Variants in HTR2C observed in about 807,000 individuals in gnomAD.
The protein encoded by HTR2C is 5-hydroxytryptamine receptor 2C, also known as 5-hydroxytryptamine (serotonin) receptor 2C, G protein-coupled.
In HTR2C, 5 loss-of-function variants were observed where a neutral mutation model predicts 21.0. The ratio of observed to expected loss-of-function variants is 0.24; its 90% CI spans 0.12 to 0.50. HTR2C has a LOEUF of 0.50. HTR2C is among the 20% of genes least tolerant of loss of function. The probability of loss-of-function intolerance (pLI) is 0.98; values close to 1 mark genes in which losing one functional copy is unlikely to be tolerated. For missense variants in HTR2C, 271 were observed against 371.2 expected (o/e 0.73, Z 2.22); for synonymous variants, 150 against 145.3 (o/e 1.03, Z -0.23).
intron 2 of HTR2C, among the ~76,000 whole-genome samples, chrX:114,627,405 A>G (rs781909485): frequency 7.4e-4 from 83 of 111,483 alleles, no homozygotes; most frequent in African/African-American, 2.5e-3. Flanking sequence ...ATGATGGAGA[A>G]CTATTATGTG....
chrX:114,619,133 T>C (rs1323008161), intron 2 of HTR2C, among the ~76,000 whole-genome samples: 5 of 111,460 alleles, frequency 4.5e-5, no homozygotes, highest in African/African-American at 1.3e-4. Flanking sequence ...GGAATTGCAC[T>C]GTTATTCAGA....
chrX:114,766,933 T>A (rs782490000), intron 4 of HTR2C, among the ~76,000 whole-genome samples: 180 of 111,487 alleles, frequency 1.6e-3, no homozygotes, highest in African/African-American at 5.5e-3. Flanking sequence ...CATGACCCAA[T>A]GCCATTGTTT....
At chrX:114,744,515 T>G (rs1347010628) in intron 4 of HTR2C, among the ~76,000 whole-genome samples, 1 of 108,146 alleles carries the variant, frequency 9.2e-6, no homozygotes, top group South Asian at 4.1e-4. Flanking sequence ...TGCAATGGCT[T>G]GATCTCGGCT....
chrX:114,741,524 TAAAAA>T (rs782206973), intron 4 of HTR2C, among the ~76,000 whole-genome samples: 252 of 4,901 alleles, frequency 0.051, 5 homozygotes, highest in African/African-American at 0.095. Flanking sequence ...CGACTCCGTC[TAAAAA>T]AAAAAAAAAA....
intron 2 of HTR2C, among the ~76,000 whole-genome samples, chrX:114,673,270 CA>C (rs1343742656): frequency 9.0e-6 from 1 of 111,701 alleles, no homozygotes; most frequent in Admixed American, 9.6e-5. Flanking sequence ...ATTATTTCAC[CA>C]AGTTATTACA....
At chrX:114,610,870 G>A (rs782534170) in intron 1 of HTR2C, among the ~76,000 whole-genome samples, 1 of 111,585 alleles carries the variant, frequency 9.0e-6, no homozygotes, top group South Asian at 3.7e-4. Context: ...AAAGAATGTC[G>A]TGATCAGGAG....
chrX:114,739,241 G>A (rs2069621153), intron 4 of HTR2C, among the ~76,000 whole-genome samples: 1 of 111,356 alleles, frequency 9.0e-6, no homozygotes, highest in Non-Finnish European at 1.9e-5. Flanking sequence ...AAAAATATGA[G>A]CATGCCTTAT....
At chrX:114,607,732 C>G (rs1013057492) in intron 1 of HTR2C, among the ~76,000 whole-genome samples, 2 of 111,486 alleles carry the variant, frequency 1.8e-5, no homozygotes, top group Admixed American at 1.9e-4. Context: ...TGGCTCACAT[C>G]TATAATCCCA....
intron 4 of HTR2C, among the ~76,000 whole-genome samples, chrX:114,836,307 C>G (rs1159414837): frequency 9.0e-6 from 1 of 111,527 alleles, no homozygotes; most frequent in African/African-American, 3.2e-5. Context: ...CCCCCAGCCT[C>G]GCTGCCGCCT....
intron 4 of HTR2C, among the ~76,000 whole-genome samples, chrX:114,787,604 C>T (rs1200821083): frequency 9.0e-6 from 1 of 111,676 alleles, no homozygotes; most frequent in Non-Finnish European, 1.9e-5. Context: ...TGGTTGAAAG[C>T]CAGGGTTTTC....
chrX:114,731,325 T>C lies in HTR2C; in HGVS notation c.67T>C (p.Ser23Pro). 1 of 1,203,933 alleles carries C rather than the reference T, an allele frequency of 8.3e-7. No homozygotes were observed. Among genetic ancestry groups the C allele is most frequent in the South Asian group, 1.8e-5 (1 of 56,409 alleles). Reference sequence around the variant, plus strand: ...CCTAATTGGCCTATTGGTTTGGCAATCTGATATTTCTGTGAGCCCAGTAGC... The same window carrying C: ...CCTAATTGGCCTATTGGTTTGGCAACCTGATATTTCTGTGAGCCCAGTAGC... ...VHLIGLLVWQ[S>P]DISVSPVAAI... Residue 23 changes from serine to proline, a missense_variant, in exon 4 of 6, where the codon TCT becomes CCT. By Grantham distance (74) the Ser-to-Pro change is moderately conservative. This residue lies in a region of HTR2C where 57 missense variants were observed against 64.0 expected (regional missense o/e 0.89). Coordinates refer to ENST00000276198, the MANE Select transcript of HTR2C (RefSeq NM_000868.4).
intron 4 of HTR2C, among the ~76,000 whole-genome samples, chrX:114,823,940 G>GA (rs1398955725): frequency 2.7e-5 from 3 of 111,570 alleles, no homozygotes; most frequent in Non-Finnish European, 3.8e-5. Flanking sequence ...CTTAATTATA[G>GA]AAAAAAACAA....
intron 4 of HTR2C, among the ~76,000 whole-genome samples, chrX:114,796,760 T>C (rs1351938027): frequency 9.0e-6 from 1 of 111,398 alleles, no homozygotes; most frequent in African/African-American, 3.3e-5. Context: ...GACCTGATCT[T>C]CTTGACTCAG....
rs1468686607 is a variant in HTR2C at position 114,648,322 on chromosome X, C to T, written c.-80+34441C>T. Among the ~76,000 whole-genome samples the T allele has an allele frequency of 8.1e-5, 9 of 111,397 alleles. No individual in the cohort carries two copies. The Admixed American group carries it at 8.6e-4, about 11-fold the overall frequency. Reference sequence around the variant, plus strand: ...GTGAGGGGAAAGTGAGAATGACCTTCCTGCTTCTGCTGTTTTCTTAAATGT... The same window carrying T: ...GTGAGGGGAAAGTGAGAATGACCTTTCTGCTTCTGCTGTTTTCTTAAATGT... On this transcript the variant is annotated intron_variant, in intron 2 of 5. Transcript: ENST00000276198.
chrX:114,787,922 G>A (rs1411442464), intron 4 of HTR2C, among the ~76,000 whole-genome samples: 8 of 103,793 alleles, frequency 7.7e-5, no homozygotes, highest in Non-Finnish European at 1.6e-4. Context: ...ACTCCAGCCT[G>A]GGCAACAGAG....
chrX:114,805,991 C>A (rs1322092352), intron 4 of HTR2C, among the ~76,000 whole-genome samples: 1 of 90,878 alleles, frequency 1.1e-5, no homozygotes, highest in Non-Finnish European at 2.1e-5. Context: ...TATATATACA[C>A]CATATATATA....
intron 4 of HTR2C, among the ~76,000 whole-genome samples, chrX:114,738,698 A>G (rs1470530580): frequency 9.0e-6 from 1 of 110,850 alleles, no homozygotes; most frequent in Non-Finnish European, 1.9e-5. Flanking sequence ...TGCAGGGCTT[A>G]AAACCTGGAT....
intron 2 of HTR2C, among the ~76,000 whole-genome samples, chrX:114,674,575 A>G (rs1361580862): frequency 1.6e-4 from 18 of 111,797 alleles, no homozygotes; most frequent in African/African-American, 5.9e-4. Flanking sequence ...AAACTTTGAA[A>G]CATTATAATT....
intron 2 of HTR2C, among the ~76,000 whole-genome samples, chrX:114,657,803 A>C (rs1039320708): frequency 9.0e-6 from 1 of 111,726 alleles, no homozygotes; most frequent in African/African-American, 3.2e-5. Context: ...CACAACTTCC[A>C]TGATGGAAAT....
Sources: gnomAD v4.1 joint callset for allele counts (sites outside exome capture counted in the v4.1 genomes callset) on GRCh38, gnomAD v4.1.1 for gene constraint, gnomAD v4.1.1 regional missense constraint, MANE v1.5 for transcripts, NCBI Gene and HGNC (gene_info 2026-07-23, HGNC 2026-07-21) for gene names.